Variants in CYB5R3 observed in about 807,000 individuals in gnomAD.
CYB5R3 encodes the protein cytochrome b5 reductase 3.
Under a neutral mutation model 36.5 loss-of-function variants are expected in CYB5R3, and 28 were observed. The ratio of observed to expected loss-of-function variants is 0.77; its 90% CI spans 0.57 to 1.05. The LOEUF (loss-of-function observed/expected upper bound fraction) is 1.05, where lower values mean the gene tolerates loss of function less well. CYB5R3 is among the 50% of genes least tolerant of loss of function. CYB5R3 has a pLI of 0.00. For missense variants in CYB5R3, 474 were observed against 408.9 expected (o/e 1.16, Z -1.37); for synonymous variants, 181 against 159.8 (o/e 1.13, Z -1.00).
At chr22:42,645,004 G>A (rs1366173025) in intron 1 of CYB5R3, among the ~76,000 whole-genome samples, 2 of 152,294 alleles carry the variant, frequency 1.3e-5, no homozygotes, top group Non-Finnish European at 2.9e-5. Context: ...GCCCAGGGTG[G>A]AGCCTGGTTT....
At chr22:42,637,730 C>G (rs1309954812) in intron 1 of CYB5R3, among the ~76,000 whole-genome samples, 2 of 152,224 alleles carry the variant, frequency 1.3e-5, no homozygotes, top group African/African-American at 4.8e-5. Flanking sequence ...CGCAGCAACC[C>G]CGTGTGGTAG....
At chr22:42,645,375 G>A (rs1366053085) in intron 1 of CYB5R3, among the ~76,000 whole-genome samples, 1 of 152,218 alleles carries the variant, frequency 6.6e-6, no homozygotes, top group Admixed American at 6.5e-5. Context: ...CCAGACTCCT[G>A]GATGAGGGCG....
intron 7 of CYB5R3, among the ~76,000 whole-genome samples, chr22:42,625,557 C>T (rs1928222889): frequency 6.6e-6 from 1 of 152,108 alleles, no homozygotes; most frequent in African/African-American, 2.4e-5. Context: ...TAAAGTGTGT[C>T]TCATGCTTTA....
intron 1 of CYB5R3, chr22:42,640,209 G>A (rs768404888): frequency 6.2e-7 from 1 of 1,604,040 alleles, no homozygotes; most frequent in Non-Finnish European, 8.5e-7. Flanking sequence ...GAGGCTTCAA[G>A]TAAGTCACAG....
chr22:42,636,069 G>A (rs1262275219), intron 2 of CYB5R3, among the ~76,000 whole-genome samples: 2 of 152,114 alleles, frequency 1.3e-5, no homozygotes, highest in Non-Finnish European at 2.9e-5. Flanking sequence ...ACAAAAATTA[G>A]GCTGGGCGCG....
At chr22:42,622,901 T>C (rs1928057297) in intron 8 of CYB5R3, among the ~76,000 whole-genome samples, 1 of 152,210 alleles carries the variant, frequency 6.6e-6, no homozygotes, top group African/African-American at 2.4e-5. Context: ...AAAATGGTGC[T>C]TCCAACACTT....
chr22:42,643,263 C>T (rs756542275), intron 1 of CYB5R3, among the ~76,000 whole-genome samples: 5 of 152,136 alleles, frequency 3.3e-5, no homozygotes, highest in East Asian at 1.9e-4. Context: ...CTCCTTGAAG[C>T]GATGTGAGAT....
intron 2 of CYB5R3, among the ~76,000 whole-genome samples, chr22:42,633,702 G>GA (rs1928734287): frequency 6.6e-6 from 1 of 152,244 alleles, no homozygotes; most frequent in South Asian, 2.1e-4. Context: ...AGAATCACTT[G>GA]AACCTGGGAA....
intron 1 of CYB5R3, among the ~76,000 whole-genome samples, chr22:42,637,937 C>T (rs537808816): frequency 6.6e-6 from 1 of 152,330 alleles, no homozygotes; most frequent in East Asian, 1.9e-4. Context: ...CTGCCCCCGA[C>T]ATCTCAGTCT....
chr22:42,629,522 C>T (rs1401306779), intron 4 of CYB5R3, among the ~76,000 whole-genome samples: 2 of 152,176 alleles, frequency 1.3e-5, no homozygotes, highest in East Asian at 3.9e-4. Flanking sequence ...GTCCAGTGTC[C>T]GTCCTCCAGC....
intron 6 of CYB5R3, 65 bp from the exon 7 acceptor site, chr22:42,627,454 C>G (rs1928339398): frequency 1.3e-6 from 2 of 1,556,046 alleles, no homozygotes; most frequent in Non-Finnish European, 1.8e-6. Flanking sequence ...ACCGCCCCGC[C>G]CAGGTGTACT....
At chr22:42,619,993 C>G in intron 8 of CYB5R3, 48 bp from the exon 9 acceptor site, 1 of 1,540,042 alleles carries the variant, frequency 6.5e-7, no homozygotes. Flanking sequence ...GTGTGGTCAC[C>G]AACCTGCTGA....
intron 1 of CYB5R3, among the ~76,000 whole-genome samples, chr22:42,649,019 G>A (rs1929649879): frequency 6.6e-6 from 1 of 152,196 alleles, no homozygotes; most frequent in Admixed American, 6.5e-5. Context: ...GCCAGGGCAG[G>A]GCCCAGGTGC....
rs573769598 is a variant in CYB5R3, at chr22:42,640,149, G to A, written c.22-3303C>T. On this transcript the variant is annotated intron_variant, in intron 1 of 8. Coordinates refer to ENST00000352397, the MANE Select transcript of CYB5R3 (RefSeq NM_000398.7). The stretch of plus-strand genomic sequence containing the variant: ...GAATAGCTCTAGGGATCTCAGCAGG[G>A]GTGGGAGGAACCAGCTCAACCGTGG... The A allele has an allele frequency of 7.4e-5, 119 of 1,613,444 alleles. No homozygotes were observed. The Admixed American group carries it at 2.0e-3, about 27-fold the overall frequency.
At chr22:42,640,872 T>A (rs1014201094) in intron 1 of CYB5R3, among the ~76,000 whole-genome samples, 2 of 152,190 alleles carry the variant, frequency 1.3e-5, no homozygotes, top group African/African-American at 4.8e-5. Flanking sequence ...CTTTATTTAT[T>A]TTTTGAGACG....
intron 8 of CYB5R3, among the ~76,000 whole-genome samples, chr22:42,621,666 G>A (rs1283465564): frequency 2.6e-5 from 4 of 152,370 alleles, no homozygotes; most frequent in East Asian, 1.9e-4. Context: ...TAACTGTCCC[G>A]TGGTGGTGGT....
chr22:42,621,635 A>C (rs962696355), intron 8 of CYB5R3, among the ~76,000 whole-genome samples: 1 of 152,248 alleles, frequency 6.6e-6, no homozygotes, highest in Non-Finnish European at 1.5e-5. Flanking sequence ...AGATCACCCA[A>C]CTATTCCTCT....
chr22:42,628,290 C>T lies in CYB5R3; in HGVS notation c.334-9G>A. On this transcript the variant is annotated splice_polypyrimidine_tract_variant and intron_variant, in intron 4 of 8. Coordinates refer to ENST00000352397, the MANE Select transcript of CYB5R3 (RefSeq NM_000398.7). ...GTGTCCTTGAAGTAAACCTGCAAGACACCCCCGCAGCCCTCAGTCCCCAGC... is the reference window on the plus strand; with the variant it reads ...GTGTCCTTGAAGTAAACCTGCAAGATACCCCCGCAGCCCTCAGTCCCCAGC... The T allele has an allele frequency of 1.9e-6, 3 of 1,613,528 alleles. No homozygotes were observed. The highest frequency in any genetic ancestry group is 1.7e-6 in the Non-Finnish European group (2 of 1,179,648).
In CYB5R3 at chr22:42,627,595, T is replaced by C; in HGVS notation, c.547+10A>G. The stretch of plus-strand genomic sequence containing the variant: ...AGCCGCCGGACGCCTCAGTGGGGGG[T>C]TCCGTGTACCTGTCCCTCCCGCGAT... On this transcript the variant is annotated intron_variant, in intron 6 of 8. Transcript: ENST00000352397. 6.2e-7 allele frequency: 1 copy of C among 1,612,178 alleles called. No individual in the cohort carries two copies. The highest frequency in any genetic ancestry group is 2.2e-5 in the East Asian group (1 of 44,836).
Sources: allele counts gnomAD v4.1 joint callset (sites outside exome capture counted in the v4.1 genomes callset), GRCh38; gene constraint gnomAD v4.1.1; transcripts MANE v1.5; gene names NCBI Gene and HGNC (gene_info 2026-07-23, HGNC 2026-07-21).